The following SAE1 variants were observed in gnomAD, a reference collection of about 807,000 sequenced individuals.
SAE1 encodes the protein SUMO1 activating enzyme subunit 1.
A neutral mutation model predicts 40.6 loss-of-function variants in SAE1; 11 were observed. The observed-to-expected ratio is 0.27, with a 90% CI of 0.17 to 0.45. The LOEUF is 0.45. Among genes scored for constraint, SAE1 ranks in the 20% least tolerant of loss-of-function variants. SAE1 has a pLI of 1.00. For missense variants in SAE1, 373 were observed against 427.3 expected, an observed-to-expected ratio of 0.87 and a Z score of 1.12; for synonymous variants, 155 against 154.3, an observed-to-expected ratio of 1.00 and a Z score of -0.03.
At chr19:47,182,496 T>TGTGC (rs143321323) in intron 6 of SAE1, among the ~76,000 whole-genome samples, 4,005 of 145,924 alleles carry the variant, frequency 0.027, 89 homozygotes, top group Middle Eastern at 0.1. Flanking sequence ...TGTGTGTGTG[T>TGTGC]GCGCGCACGC....
intron 8 of SAE1, among the ~76,000 whole-genome samples, chr19:47,207,227 C>T (rs1231580142): frequency 6.6e-6 from 1 of 152,130 alleles, no homozygotes; most frequent in Non-Finnish European, 1.5e-5. Context: ...GAACAAGATC[C>T]TATCTCAAAA....
In SAE1 at chr19:47,163,692, A is replaced by G. The variant is rs150839840; in HGVS notation, c.628-6126A>G. ...CAGTGAGCCAAGATCGCACCGTTGC[A>G]CTCCAGCCTGGGCGACAGAGCAAGA... On this transcript the variant is annotated intron_variant, in intron 5 of 8. Coordinates refer to ENST00000270225, the MANE Select transcript of SAE1 (RefSeq NM_005500.3). Among the ~76,000 whole-genome samples the G allele has an allele frequency of 3.9e-3, 596 of 152,224 alleles. 5 individuals carry two copies. The highest frequency in any genetic ancestry group is 0.014 in the African/African-American group (567 of 41,534).
chr19:47,201,360 C>CTT (rs57568797), intron 7 of SAE1, among the ~76,000 whole-genome samples: 6,588 of 65,904 alleles, frequency 0.1, 1,527 homozygotes, highest in Non-Finnish European at 0.12. Flanking sequence ...TATCTGGTTC[C>CTT]TTTTTTTTTT....
Position 47,197,236 on chromosome 19 carries a change from TC to T in SAE1, c.738del (p.Leu247Ter). On this transcript the variant is annotated frameshift_variant, in exon 7 of 9. Coordinates refer to ENST00000270225, the MANE Select transcript of SAE1 (RefSeq NM_005500.3). LOFTEE classifies it high-confidence loss of function. ...TTSDYFLLQV[L>X]LKFRTDKGRD... is the part of the protein sequence containing the mutation. ...GCCTTCTTTTTCTTATTCCCAGTGC[TC>T]TTAAAGTTCCGTACAGATAAAGGAA... The T allele has an allele frequency of 6.3e-7, 1 of 1,599,520 alleles. No individual in the cohort carries two copies. Among genetic ancestry groups the T allele is most frequent in the Non-Finnish European group, 8.5e-7 (1 of 1,175,848 alleles).
chr19:47,142,868 A>G (rs2058230466), intron 1 of SAE1, among the ~76,000 whole-genome samples: 1 of 152,198 alleles, frequency 6.6e-6, no homozygotes, highest in East Asian at 1.9e-4. Context: ...TTCTTGTCAC[A>G]CTTGATTTTC....
intron 6 of SAE1, among the ~76,000 whole-genome samples, chr19:47,170,503 C>CTTTTTTT (rs34836827): frequency 7.1e-5 from 6 of 83,934 alleles, no homozygotes; most frequent in African/African-American, 9.5e-5. Flanking sequence ...CGCCCCCCGC[C>CTTTTTTT]TTTTTTTTTT....
In SAE1 at chr19:47,130,844, G is replaced by A; in HGVS notation, c.-87G>A. The A allele has an allele frequency of 6.5e-7, 1 of 1,540,240 alleles. No homozygotes were observed. Among genetic ancestry groups the A allele is most frequent in the Non-Finnish European group, 8.7e-7 (1 of 1,142,914 alleles). ...GCGCATGCGCAGAAGCACTCCGGGCGTGCTGCCGGCGGCGGTAGGTGGCGC... is the reference window on the plus strand; with the variant it reads ...GCGCATGCGCAGAAGCACTCCGGGCATGCTGCCGGCGGCGGTAGGTGGCGC... On this transcript the variant is annotated 5_prime_UTR_variant, in exon 1 of 9. It adds an upstream start codon to the 5' untranslated region. Transcript: ENST00000270225.
At chr19:47,192,178 A>G (rs1173541453) in intron 6 of SAE1, among the ~76,000 whole-genome samples, 1 of 151,850 alleles carries the variant, frequency 6.6e-6, no homozygotes, top group African/African-American at 2.4e-5. Flanking sequence ...CTTAGCACTC[A>G]TGTGATCTTC....
intron 6 of SAE1, among the ~76,000 whole-genome samples, chr19:47,182,497 G>GTGTGCC (rs200150830): frequency 1.2e-5 from 1 of 86,476 alleles, no homozygotes; most frequent in African/African-American, 5.7e-5. Flanking sequence ...GTGTGTGTGT[G>GTGTGCC]CGCGCACGCA....
rs191759712 is a variant in SAE1 at position 47,185,413 on chromosome 19, T to G, written c.734-11820T>G. On this transcript the variant is annotated intron_variant, in intron 6 of 8. Transcript: ENST00000270225. ...TCCACCTCCCAGGTTCAAGTGATTT[T>G]CCTGCCTCAGCTTCCCAAGTAGCTG... Among the ~76,000 whole-genome samples, 257 of 152,088 alleles carry G rather than the reference T, an allele frequency of 1.7e-3. 1 individual carries two copies. The highest frequency in any genetic ancestry group is 6.0e-3 in the African/African-American group (249 of 41,504).
chr19:47,156,427 C>T (rs942823197), intron 5 of SAE1, among the ~76,000 whole-genome samples: 3 of 151,718 alleles, frequency 2.0e-5, no homozygotes, highest in South Asian at 4.2e-4. Flanking sequence ...TGCAGTGAGC[C>T]GAGACGGCAA....
chr19:47,201,800 A>G (rs1050610670), intron 7 of SAE1, among the ~76,000 whole-genome samples: 3 of 151,744 alleles, frequency 2.0e-5, no homozygotes, highest in African/African-American at 7.3e-5. Context: ...CACCCGGCTA[A>G]CTTTTGTATT....
At chr19:47,139,441 C>T (rs931091164) in intron 1 of SAE1, among the ~76,000 whole-genome samples, 2 of 152,132 alleles carry the variant, frequency 1.3e-5, no homozygotes, top group Admixed American at 6.6e-5. Flanking sequence ...ATGCCTTGCC[C>T]TCCTAAAGTG....
Position 47,138,026 on chromosome 19 carries a change from G to A in SAE1, c.99-5468G>A, listed in dbSNP as rs191413390. ...TTACAGGCGTGAGCCACTACACCCG[G>A]CCTATGTGTGTGTATTTTATTTTTT... On this transcript the variant is annotated intron_variant, in intron 1 of 8. Coordinates refer to ENST00000270225, the MANE Select transcript of SAE1 (RefSeq NM_005500.3). Among the ~76,000 whole-genome samples, 239 of 151,606 alleles carry A rather than the reference G, an allele frequency of 1.6e-3. 2 individuals carry two copies. Among genetic ancestry groups the A allele is most frequent in the African/African-American group, 5.7e-3 (234 of 41,326 alleles).
intron 1 of SAE1, among the ~76,000 whole-genome samples, chr19:47,138,343 C>A (rs919079571): frequency 2.0e-5 from 3 of 152,210 alleles, no homozygotes; most frequent in African/African-American, 7.2e-5. Context: ...TGCGCCTGGC[C>A]AGAAGTTACC....
At chr19:47,150,069 T>C (rs2058278108) in intron 2 of SAE1, 133 bp from the exon 3 acceptor site, 2 of 537,668 alleles carry the variant, frequency 3.7e-6, no homozygotes, top group Non-Finnish European at 3.0e-6. Context: ...AGAGCAAGAC[T>C]GTCTCAAAAA....
intron 6 of SAE1, among the ~76,000 whole-genome samples, chr19:47,185,645 A>T (rs1405431545): frequency 6.6e-6 from 1 of 151,758 alleles, no homozygotes; most frequent in African/African-American, 2.4e-5. Context: ...TGTGTCTCCC[A>T]GGCTAGAGTA....
At chr19:47,200,399 A>ATTTTTTTTTTT (rs35657499) in intron 7 of SAE1, among the ~76,000 whole-genome samples, 5 of 102,546 alleles carry the variant, frequency 4.9e-5, no homozygotes, top group African/African-American at 1.3e-4. Context: ...AGCCTGCCTA[A>ATTTTTTTTTTT]TTTTTTTTTT....
At chr19:47,202,656 G>C (rs2058661955) in intron 7 of SAE1, among the ~76,000 whole-genome samples, 1 of 150,438 alleles carries the variant, frequency 6.6e-6, no homozygotes, top group Non-Finnish European at 1.5e-5. Context: ...GCTCACACCT[G>C]TAATCCCAGC....
Sources: gnomAD v4.1 joint callset for allele counts (sites outside exome capture counted in the v4.1 genomes callset) on GRCh38, gnomAD v4.1.1 for gene constraint, MANE v1.5 for transcripts, NCBI Gene and HGNC (gene_info 2026-07-23, HGNC 2026-07-21) for gene names.